Variants in ABL2 observed in about 807,000 individuals in gnomAD.
ABL2 encodes the protein ABL proto-oncogene 2, non-receptor tyrosine kinase.
ABL2 carries 49 observed loss-of-function variants against 107.7 expected under a neutral mutation model. The ratio of observed to expected loss-of-function variants is 0.45; its 90% CI spans 0.36 to 0.58. ABL2 has a LOEUF of 0.58. Ranked by LOEUF, ABL2 falls within the 20% of genes least tolerant of loss-of-function variation. ABL2 has a pLI of 0.00. For missense variants in ABL2, 1,245 were observed against 1,457.0 expected, an observed-to-expected ratio of 0.85 and a Z score of 2.37; for synonymous variants, 549 against 548.6, an observed-to-expected ratio of 1.00 and a Z score of -0.01.
chr1:179,225,036 A>G, intron 1 of ABL2, among the ~76,000 whole-genome samples: 1 of 152,136 alleles, frequency 6.6e-6, no homozygotes, highest in South Asian at 2.1e-4. Flanking sequence ...AAAATAAAAC[A>G]TAAAATAAAA....
At position 179,121,859 on chromosome 1, in the gene ABL2, C is replaced by T; in HGVS notation, c.696G>A (p.Val232=). ...AGGTGCTGAAGCGGCTCTCAGCAGT[C>T]ACATACACCTGGTAAGAAAAGGAGA... ...INTTADGKVY[V]TAESRFSTLA... Residue 232 remains valine, a synonymous_variant, in exon 5 of 12, where the codon GTG becomes GTA. Transcript: ENST00000502732. The T allele has an allele frequency of 6.3e-7, 1 of 1,599,772 alleles. No individual in the cohort carries two copies. Among genetic ancestry groups the T allele is most frequent in the Non-Finnish European group, 8.5e-7 (1 of 1,172,426 alleles).
At chr1:179,110,609 T>C in intron 10 of ABL2, 154 bp from the exon 11 acceptor site, 1 of 1,502,752 alleles carries the variant, frequency 6.7e-7, no homozygotes, top group Non-Finnish European at 8.9e-7. Flanking sequence ...TTTGTCTGGC[T>C]TCTTTCGCCC....
intron 1 of ABL2, among the ~76,000 whole-genome samples, chr1:179,135,489 G>A (rs569317569): frequency 1.0e-4 from 15 of 148,988 alleles, no homozygotes; most frequent in Admixed American, 8.0e-4. Context: ...GAGCCCCTCC[G>A]CCCGGCAGCC....
chr1:179,185,247 A>G (rs1208146787), intron 1 of ABL2, among the ~76,000 whole-genome samples: 3 of 152,196 alleles, frequency 2.0e-5, no homozygotes, highest in African/African-American at 7.2e-5. Context: ...TTAAGCGGGC[A>G]TTTTGACAAC....
intron 1 of ABL2, among the ~76,000 whole-genome samples, chr1:179,185,213 G>A (rs184540044): frequency 6.6e-6 from 1 of 152,314 alleles, no homozygotes; most frequent in East Asian, 1.9e-4. Context: ...TCAGCAAAGG[G>A]TGGATTTGAG....
chr1:179,180,945 A>G (rs1557979741), intron 1 of ABL2, among the ~76,000 whole-genome samples: 1 of 152,212 alleles, frequency 6.6e-6, no homozygotes, highest in East Asian at 1.9e-4. Flanking sequence ...TAATTATTTC[A>G]TTGGGGGAAA....
At chr1:179,198,435 G>A (rs1661454330) in intron 1 of ABL2, among the ~76,000 whole-genome samples, 1 of 152,054 alleles carries the variant, frequency 6.6e-6, no homozygotes, top group South Asian at 2.1e-4. Flanking sequence ...GGCCATGCCT[G>A]TAATCCCAGC....
intron 1 of ABL2, among the ~76,000 whole-genome samples, chr1:179,211,418 G>C (rs913668737): frequency 6.6e-6 from 1 of 151,868 alleles, no homozygotes; most frequent in Non-Finnish European, 1.5e-5. Flanking sequence ...GCTATTCAGG[G>C]GGCTGAGGTG....
chr1:179,220,372 T>C (rs992622867), intron 1 of ABL2, among the ~76,000 whole-genome samples: 5 of 152,256 alleles, frequency 3.3e-5, no homozygotes, highest in African/African-American at 1.2e-4. Context: ...AAACATACAA[T>C]GGTGGGGAGA....
In ABL2 at chr1:179,174,895, CAAAA is replaced by C. The variant is rs1161355678; in HGVS notation, c.158-41525_158-41522del. Among the ~76,000 whole-genome samples, 35 of 33,692 alleles carry C rather than the reference CAAAA, an allele frequency of 1.0e-3. 1 individual carries two copies. In the South Asian group the frequency reaches 0.034, roughly 32 times the overall value. 22.1% of individuals were successfully genotyped at this position (33,692 alleles called of 152,430 possible). A position where few individuals can be genotyped will look rare whatever the true frequency, so the allele number is the denominator to read the frequency against. On this transcript the variant is annotated intron_variant, in intron 1 of 11. Transcript: ENST00000502732. Reference sequence around the variant, plus strand: ...GGGTGACAGAGCAGAGACTCTGTCTCAAAAAAAAAAAAATAAAATAAAAAAAATA... The same window carrying C: ...GGGTGACAGAGCAGAGACTCTGTCTCAAAAAAAAATAAAATAAAAAAAATA...
At chr1:179,135,828 TG>T (rs1325439094) in intron 1 of ABL2, among the ~76,000 whole-genome samples, 1 of 103,602 alleles carries the variant, frequency 9.7e-6, no homozygotes, top group Non-Finnish European at 1.9e-5. Flanking sequence ...GGGAGGGAGG[TG>T]GGGGGGTCAG....
intron 1 of ABL2, among the ~76,000 whole-genome samples, chr1:179,191,482 A>G (rs2816200): frequency 0.45 from 64,457 of 142,918 alleles, 14,375 homozygotes; most frequent in Admixed American, 0.54. Flanking sequence ...GTGCAAAGGC[A>G]CAATCTCGGC....
Position 179,105,421 on chromosome 1 carries a change from T to C in ABL2, c.*2297A>G. ...GCAGCATAATAATATTCTACAGTTT[T>C]AGCTTTCCCATCCTCGACCTTAAAA... On this transcript the variant is annotated 3_prime_UTR_variant, in exon 12 of 12. Transcript: ENST00000502732. 1 of 231,298 alleles carries C rather than the reference T, an allele frequency of 4.3e-6. No homozygotes were observed. The highest frequency in any genetic ancestry group is 6.1e-5 in the East Asian group (1 of 16,332). The allele number at this position is 231,298 out of a possible 1,614,324, so 14.3% of individuals were successfully genotyped here.
At chr1:179,155,538 T>C (rs1393094609) in intron 1 of ABL2, among the ~76,000 whole-genome samples, 2 of 152,050 alleles carry the variant, frequency 1.3e-5, no homozygotes, top group African/African-American at 4.8e-5. Flanking sequence ...GAGACCAGCA[T>C]GGCCAACATG....
intron 8 of ABL2, chr1:179,117,069 C>T (rs188314277): frequency 4.1e-4 from 183 of 447,996 alleles, no homozygotes; most frequent in African/African-American, 3.4e-3. Context: ...AACTCTTGAC[C>T]TCAAGTGATC....
intron 1 of ABL2, among the ~76,000 whole-genome samples, chr1:179,199,923 G>T (rs1661565601): frequency 6.6e-6 from 1 of 151,454 alleles, no homozygotes; most frequent in Non-Finnish European, 1.5e-5. Flanking sequence ...TAGAGTCAGG[G>T]TCTCACTGTG....
rs1653900949 is a variant in ABL2 at position 179,110,138 on chromosome 1, C to G, written c.1825+144G>C. ...CCAGAGTTGTATGTTGGATGGATAGCCAAGGGCTTCATGGGTGGGTAAAAG... is the reference window on the plus strand; with the variant it reads ...CCAGAGTTGTATGTTGGATGGATAGGCAAGGGCTTCATGGGTGGGTAAAAG... On this transcript the variant is annotated intron_variant, in intron 11 of 11. Transcript: ENST00000502732. The G allele has an allele frequency of 8.3e-6, 8 of 965,078 alleles. No homozygotes were observed. In the Middle Eastern group the frequency reaches 1.0e-3, roughly 125 times the overall value. The allele number at this position is 965,078 out of a possible 1,614,324, so 59.8% of individuals were successfully genotyped here. A position where few individuals can be genotyped will look rare whatever the true frequency, so the allele number is the denominator to read the frequency against.
chr1:179,201,097 G>A (rs1661642044), intron 1 of ABL2, among the ~76,000 whole-genome samples: 2 of 152,130 alleles, frequency 1.3e-5, no homozygotes, highest in South Asian at 4.1e-4. Flanking sequence ...TGGAAATGTA[G>A]GAACCCTCCC....
At chr1:179,200,941 C>T (rs1047949203) in intron 1 of ABL2, among the ~76,000 whole-genome samples, 5 of 152,180 alleles carry the variant, frequency 3.3e-5, no homozygotes, top group Non-Finnish European at 5.9e-5. Context: ...AATGCTGTCT[C>T]CAAGGTTCTT....
Sources: gnomAD v4.1 joint callset for allele counts (sites outside exome capture counted in the v4.1 genomes callset) on GRCh38, gnomAD v4.1.1 for gene constraint, MANE v1.5 for transcripts, NCBI Gene and HGNC (gene_info 2026-07-23, HGNC 2026-07-21) for gene names.